TMC7: variants seen among roughly 807,000 people sequenced by gnomAD.
The protein encoded by TMC7 is transmembrane channel like 7.
In TMC7, 54 loss-of-function variants were observed where a neutral mutation model predicts 82.9. The ratio of observed to expected loss-of-function variants is 0.65; its 90% CI spans 0.52 to 0.82. The LOEUF (loss-of-function observed/expected upper bound fraction) is 0.82. Ranked by LOEUF, TMC7 falls within the 40% of genes least tolerant of loss-of-function variation. The probability of loss-of-function intolerance (pLI) is 0.00; values close to 1 mark genes in which losing one functional copy is unlikely to be tolerated. For synonymous variants in TMC7, 350 were observed against 337.9 expected (o/e 1.04, Z -0.39); for missense variants, 820 against 901.2 (o/e 0.91, Z 1.15).
Position 19,009,174 on chromosome 16 carries a change from A to C in TMC7, c.70A>C (p.Asn24His). 6.2e-7 allele frequency: 1 copy of C among 1,613,138 alleles called. No homozygotes were observed. ...PSRQPAVHPE[N>H]LSLDSSCFSS... is the part of the protein sequence containing the mutation. The stretch of plus-strand genomic sequence containing the variant: ...TGACTTTCTTTTCTTTTACATAGAG[A>C]ACCTCTCTCTAGACTCCAGTTGCTT... Residue 24 changes from asparagine (N) to histidine (H), a missense_variant and splice_region_variant, in exon 2 of 16, where the codon AAC becomes CAC. Physicochemically the swap from Asn to His is moderately conservative, Grantham distance 68. Transcript: ENST00000304381.
At chr16:19,029,515 A>C (rs1960403640) in intron 5 of TMC7, among the ~76,000 whole-genome samples, 1 of 151,970 alleles carries the variant, frequency 6.6e-6, no homozygotes, top group Non-Finnish European at 1.5e-5. Flanking sequence ...GACCATAGAC[A>C]TGCACCTCTA....
intron 2 of TMC7, among the ~76,000 whole-genome samples, chr16:19,012,522 C>A (rs1477368231): frequency 6.6e-6 from 1 of 151,918 alleles, no homozygotes; most frequent in Non-Finnish European, 1.5e-5. Flanking sequence ...GGTGCGGTGG[C>A]TCATGCCTGC....
Position 19,040,455 on chromosome 16 carries a change from T to A in TMC7, c.1337+9T>A. The A allele has an allele frequency of 6.2e-7, 1 of 1,606,494 alleles. No homozygotes were observed. Among genetic ancestry groups the A allele is most frequent in the Non-Finnish European group, 8.5e-7 (1 of 1,178,388 alleles). On this transcript the variant is annotated intron_variant, in intron 9 of 15. Transcript: ENST00000304381. ...CGTCTGACAATCCTTAGGTAATGCC[T>A]AACATGAAGATGGCAGGCATGTCAA...
chr16:19,014,212 G>A (rs1224304585), intron 2 of TMC7, among the ~76,000 whole-genome samples: 1 of 151,996 alleles, frequency 6.6e-6, no homozygotes, highest in African/African-American at 2.4e-5. Flanking sequence ...CTCTGTTGTG[G>A]AGGGCTGTCT....
chr16:19,001,596 T>G (rs1370300478), intron 1 of TMC7, among the ~76,000 whole-genome samples: 1 of 152,092 alleles, frequency 6.6e-6, no homozygotes, highest in African/African-American at 2.4e-5. Context: ...GCGAGGAGTA[T>G]TGCCTGAGCC....
rs150362729 is a variant in TMC7, at chr16:19,046,929, T to C, written c.1554-134T>C. The C allele has an allele frequency of 2.5e-3, 1,762 of 709,402 alleles. 6 individuals carry two copies. The highest frequency in any genetic ancestry group is 4.8e-3 in the Admixed American group (170 of 35,660). The allele number at this position is 709,402 out of a possible 1,614,324, so 43.9% of individuals were successfully genotyped here. On this transcript the variant is annotated intron_variant, in intron 11 of 15. Coordinates refer to ENST00000304381, the MANE Select transcript of TMC7 (RefSeq NM_024847.4). Reference sequence around the variant, plus strand: ...ATCTTAATGATTCCAGAGTTCATTATATTCTGCATCTTTAAGACATTTGAC... The same window carrying C: ...ATCTTAATGATTCCAGAGTTCATTACATTCTGCATCTTTAAGACATTTGAC...
rs201566316 is a variant in TMC7, at chr16:19,035,806, T to C, written c.988T>C (p.Leu330=). The change falls in exon 7 of 16, where the codon TTG becomes CTG. Residue 330 remains leucine (L), a synonymous_variant. Transcript: ENST00000304381. ...RSMADLKHSS[L]RYELRADLEE... is the part of the protein sequence containing the mutation. ...CATGGCGGATCTGAAGCACAGCAGC[T>C]TGCGGTACGAGCTCCGAGTGAGTGC... is the stretch of plus-strand genomic sequence containing the variant. 53 of 1,596,648 alleles carry C rather than the reference T, an allele frequency of 3.3e-5. No individual in the cohort carries two copies. Among genetic ancestry groups the C allele is most frequent in the Admixed American group, 5.1e-5 (3 of 58,396 alleles).
intron 12 of TMC7, among the ~76,000 whole-genome samples, chr16:19,048,475 G>A (rs1272003754): frequency 6.6e-6 from 1 of 152,084 alleles, no homozygotes; most frequent in Non-Finnish European, 1.5e-5. Context: ...AGGTTGGAGT[G>A]CAATGGCATG....
At chr16:18,997,710 C>T (rs557772541) in intron 1 of TMC7, among the ~76,000 whole-genome samples, 1 of 147,094 alleles carries the variant, frequency 6.8e-6, no homozygotes, top group South Asian at 2.2e-4. Flanking sequence ...CTGCAAACAA[C>T]TCCTGTGCCA....
chr16:19,022,515 C>T (rs1160774138), intron 4 of TMC7, among the ~76,000 whole-genome samples: 1 of 152,142 alleles, frequency 6.6e-6, no homozygotes, highest in South Asian at 2.1e-4. Flanking sequence ...CAGTTACCTA[C>T]AGTATTCAGT....
Position 19,023,065 on chromosome 16 carries a change from A to G in TMC7, c.629-48A>G, listed in dbSNP as rs559461824. The G allele has an allele frequency of 8.6e-5, 107 of 1,237,190 alleles. 1 individual carries two copies. The Middle Eastern group carries it at 1.2e-3, about 14-fold the overall frequency. The allele number at this position is 1,237,190 out of a possible 1,614,324, so 76.6% of individuals were successfully genotyped here. ...CAAACAAAAAAACCAGGCAGGTTATAGAGACTAAAACTGTTTCCACTGACA... is the reference window on the plus strand; with the variant it reads ...CAAACAAAAAAACCAGGCAGGTTATGGAGACTAAAACTGTTTCCACTGACA... On this transcript the variant is annotated intron_variant, in intron 4 of 15. Transcript: ENST00000304381.
At chr16:19,011,322 G>T (rs923996453) in intron 2 of TMC7, among the ~76,000 whole-genome samples, 3 of 151,948 alleles carry the variant, frequency 2.0e-5, no homozygotes, top group African/African-American at 7.3e-5. Flanking sequence ...GACAGAGGTG[G>T]TTATTTCTGC....
chr16:19,057,793 G>C (rs556493881), intron 14 of TMC7, among the ~76,000 whole-genome samples: 1 of 152,346 alleles, frequency 6.6e-6, no homozygotes, highest in Non-Finnish European at 1.5e-5. Context: ...GAGGAGACTG[G>C]ATAGGAAACC....
intron 1 of TMC7, among the ~76,000 whole-genome samples, chr16:18,986,865 C>T (rs539533263): frequency 3.3e-5 from 5 of 151,898 alleles, no homozygotes; most frequent in Admixed American, 1.3e-4. Context: ...AGTGCAGTGG[C>T]GCGATCTCGG....
At chr16:19,007,104 T>A (rs1480163449) in intron 1 of TMC7, among the ~76,000 whole-genome samples, 1 of 151,586 alleles carries the variant, frequency 6.6e-6, no homozygotes, top group African/African-American at 2.4e-5. Flanking sequence ...GGATTACAGG[T>A]GTGAGCCACC....
chr16:19,053,225 T>C (rs1961617205), intron 13 of TMC7, among the ~76,000 whole-genome samples: 1 of 152,176 alleles, frequency 6.6e-6, no homozygotes, highest in South Asian at 2.1e-4. Flanking sequence ...AGAAATTCTT[T>C]ATGAAAAGCA....
chr16:19,063,665 T>A lies in TMC7; in HGVS notation c.*1822T>A, dbSNP rs1042219317. 1.6e-5 allele frequency: 2 copies of A among 123,210 alleles called. No homozygotes were observed. The highest frequency in any genetic ancestry group is 3.6e-5 in the Non-Finnish European group (2 of 54,990). 7.6% of individuals were successfully genotyped at this position (123,210 alleles called of 1,614,324 possible). A position where few individuals can be genotyped will look rare whatever the true frequency, so the allele number is the denominator to read the frequency against. On this transcript the variant is annotated 3_prime_UTR_variant, in exon 16 of 16. Coordinates refer to ENST00000304381, the MANE Select transcript of TMC7 (RefSeq NM_024847.4). ...TGACCAGACTTGATGATATTCAAGT[T>A]TTCTATTTGTGTGTGTGTGTGTGTG...
chr16:19,006,811 T>G (rs2039248144), intron 1 of TMC7, among the ~76,000 whole-genome samples: 1 of 152,000 alleles, frequency 6.6e-6, no homozygotes, highest in Non-Finnish European at 1.5e-5. Flanking sequence ...GGGTTTTTTT[T>G]GTTTTCTTTT....
intron 6 of TMC7, among the ~76,000 whole-genome samples, chr16:19,032,503 G>T (rs1322609270): frequency 6.6e-6 from 1 of 150,956 alleles, no homozygotes; most frequent in Admixed American, 6.6e-5. Context: ...ATTTGGAAGT[G>T]CCATCTTTAA....
Sources: gnomAD v4.1 joint callset for allele counts (sites outside exome capture counted in the v4.1 genomes callset) on GRCh38, gnomAD v4.1.1 for gene constraint, MANE v1.5 for transcripts, NCBI Gene and HGNC (gene_info 2026-07-23, HGNC 2026-07-21) for gene names.